The following FRAS1 variants were observed in gnomAD, a reference collection of about 807,000 sequenced individuals.
FRAS1 encodes the protein Fraser extracellular matrix complex subunit 1.
Under a neutral mutation model 435.2 loss-of-function variants are expected in FRAS1, and 290 were observed. The observed-to-expected ratio is 0.67, with a 90% CI of 0.61 to 0.73. The LOEUF (loss-of-function observed/expected upper bound fraction) is 0.73. FRAS1 is among the 30% of genes least tolerant of loss of function. FRAS1 has a pLI of 0.00. For missense variants in FRAS1, 4,860 were observed against 5,001.5 expected, an observed-to-expected ratio of 0.97 and a Z score of 0.85; for synonymous variants, 1,800 against 1,851.0, an observed-to-expected ratio of 0.97 and a Z score of 0.71.
chr4:78,333,301 G>A lies in FRAS1; in HGVS notation c.2167G>A (p.Gly723Arg). ...CCACCAGTCCTGTTTCAGATGTGCA[G>A]GGAAAAGCCCACATAACTGCACAGA... ...ACHQSCFRCAGKSPHNCTDCG... is the reference protein window; with the variant it reads ...ACHQSCFRCARKSPHNCTDCG... The change falls in exon 19 of 74, where the codon GGG becomes AGG. Residue 723 changes from glycine to arginine, a missense_variant. Physicochemically the swap from Gly to Arg is moderately radical, Grantham distance 125. Coordinates refer to ENST00000512123, the MANE Select transcript of FRAS1 (RefSeq NM_025074.7). 2 of 1,611,014 alleles carry A rather than the reference G, an allele frequency of 1.2e-6. No individual in the cohort carries two copies. Among genetic ancestry groups the A allele is most frequent in the Non-Finnish European group, 8.5e-7 (1 of 1,178,616 alleles).
chr4:78,432,409 T>A lies in FRAS1; in HGVS notation c.5022T>A (p.His1674Gln), dbSNP rs1435639157. The A allele has an allele frequency of 6.2e-7, 1 of 1,611,230 alleles. No individual in the cohort carries two copies. The highest frequency in any genetic ancestry group is 1.3e-5 in the African/African-American group (1 of 75,018). The change falls in exon 38 of 74, where the codon CAT (histidine) becomes CAA (glutamine). Residue 1674 changes from histidine (H) to glutamine (Q), a missense_variant. His to Gln is a conservative substitution (Grantham distance 24). Coordinates refer to ENST00000512123, the MANE Select transcript of FRAS1 (RefSeq NM_025074.7). ...AGAAAAATGCTCTACAGTATATACA[T>A]GATGGTTCCTCTACCCGGGAAGACA... ...DVEKNALQYI[H>Q]DGSSTREDSM...
At chr4:78,354,825 G>A (rs1383446705) in intron 20 of FRAS1, among the ~76,000 whole-genome samples, 2 of 152,152 alleles carry the variant, frequency 1.3e-5, no homozygotes, top group African/African-American at 4.8e-5. Context: ...AAGCCATTGC[G>A]TCGACAGTAC....
rs373074293 is a variant in FRAS1, at chr4:78,432,369, C to A, written c.4982C>A (p.Thr1661Asn). ...TTATTCTTGGAAGGTGACACTTTCA[C>A]CTATGAGGATGTTGAGAAAAATGCT... ...RRPMATGDTFTYEDVEKNALQ... is the reference protein window; with the variant it reads ...RRPMATGDTFNYEDVEKNALQ... Residue 1661 changes from threonine to asparagine, a missense_variant, in exon 38 of 74, where the codon ACC becomes AAC. Transcript: ENST00000512123. 86 of 1,599,714 alleles carry A rather than the reference C, an allele frequency of 5.4e-5. No homozygotes were observed. In the African/African-American group the frequency reaches 1.1e-3, roughly 21 times the overall value.
At chr4:78,271,628 T>C (rs1240642594) in intron 9 of FRAS1, among the ~76,000 whole-genome samples, 1 of 152,244 alleles carries the variant, frequency 6.6e-6, no homozygotes, top group Admixed American at 6.5e-5. Flanking sequence ...TCCATGTCCC[T>C]ACAATGGACA....
intron 2 of FRAS1, among the ~76,000 whole-genome samples, chr4:78,214,009 G>A (rs891724757): frequency 1.3e-5 from 2 of 152,220 alleles, no homozygotes; most frequent in Non-Finnish European, 2.9e-5. Context: ...CACGGAGCTG[G>A]AACTCGGGAA....
chr4:78,473,384 T>C, intron 52 of FRAS1, 54 bp from the exon 53 acceptor site: 1 of 1,463,946 alleles, frequency 6.8e-7, no homozygotes, highest in African/African-American at 1.4e-5. Context: ...TGGTAATCTA[T>C]GAAGCTGTCG....
At chr4:78,402,986 A>C (rs535294458) in intron 30 of FRAS1, among the ~76,000 whole-genome samples, 20 of 152,318 alleles carry the variant, frequency 1.3e-4, no homozygotes, top group Non-Finnish European at 2.1e-4. Flanking sequence ...AGGTGATGTT[A>C]ACTTTGATCA....
At chr4:78,241,779 T>G (rs1255046381) in intron 3 of FRAS1, among the ~76,000 whole-genome samples, 2 of 152,144 alleles carry the variant, frequency 1.3e-5, no homozygotes, top group African/African-American at 4.8e-5. Flanking sequence ...AGGTTGGCTA[T>G]AACTGTGTGA....
intron 2 of FRAS1, among the ~76,000 whole-genome samples, chr4:78,116,284 T>G (rs558540359): frequency 6.6e-6 from 1 of 152,296 alleles, no homozygotes; most frequent in Non-Finnish European, 1.5e-5. Context: ...TGTGGTGTGG[T>G]GCTGAAAAGA....
chr4:78,066,774 C>T (rs1241525255), intron 2 of FRAS1, among the ~76,000 whole-genome samples: 1 of 152,144 alleles, frequency 6.6e-6, no homozygotes, highest in East Asian at 1.9e-4. Context: ...TACATCACAA[C>T]CTGCTATTGA....
intron 2 of FRAS1, among the ~76,000 whole-genome samples, chr4:78,221,669 T>C (rs1253639957): frequency 2.0e-5 from 3 of 152,212 alleles, no homozygotes; most frequent in Non-Finnish European, 4.4e-5. Flanking sequence ...TAGAAGGGGC[T>C]CTTATTAAAC....
At chr4:78,506,557 C>CAGG (rs1720851025) in intron 61 of FRAS1, among the ~76,000 whole-genome samples, 2 of 152,344 alleles carry the variant, frequency 1.3e-5, no homozygotes, top group East Asian at 3.9e-4. Context: ...CCCCCCGAGT[C>CAGG]AGGCATGGGA....
rs961388414 is a variant in FRAS1 at position 78,515,849 on chromosome 4, G to A, written c.10225G>A (p.Gly3409Ser). 3 of 1,613,898 alleles carry A rather than the reference G, an allele frequency of 1.9e-6. No individual in the cohort carries two copies. The African/African-American group carries it at 4.0e-5, about 22-fold the overall frequency. Reference sequence around the variant, plus strand: ...CTATGATAGCACTGCCCTGGGGCCTGGCTACGATCGCCCCTTCCAGTTTGA... The same window carrying A: ...CTATGATAGCACTGCCCTGGGGCCTAGCTACGATCGCCCCTTCCAGTTTGA... ...VVYDSTALGP[G>S]YDRPFQFDPS... is the part of the protein sequence containing the mutation. Residue 3409 changes from glycine (G) to serine (S), a missense_variant, in exon 66 of 74, where the codon GGC (glycine) becomes AGC (serine). Gly to Ser is a moderately conservative substitution (Grantham distance 56, BLOSUM62 0). Transcript: ENST00000512123.
At chr4:78,415,673 A>C (rs972149393) in intron 32 of FRAS1, among the ~76,000 whole-genome samples, 3 of 152,210 alleles carry the variant, frequency 2.0e-5, no homozygotes, top group African/African-American at 7.2e-5. Context: ...AAATCTGTTA[A>C]GTGAAAACGC....
intron 58 of FRAS1, among the ~76,000 whole-genome samples, chr4:78,483,777 T>TATATATATATATATATATA (rs1720086072): frequency 1.9e-5 from 1 of 51,464 alleles, no homozygotes; most frequent in Admixed American, 2.5e-4. Context: ...ACTCTCTCTC[T>TATATATATATATATATATA]CTCTCTATAT....
intron 20 of FRAS1, among the ~76,000 whole-genome samples, chr4:78,358,339 T>C (rs147662370): frequency 1.7e-3 from 265 of 152,336 alleles, no homozygotes; most frequent in African/African-American, 6.3e-3. Flanking sequence ...CTGGTAAAAT[T>C]ATGATGAAAC....
chr4:78,113,587 A>G (rs1419145141), intron 2 of FRAS1, among the ~76,000 whole-genome samples: 2 of 152,202 alleles, frequency 1.3e-5, no homozygotes, highest in African/African-American at 2.4e-5. Flanking sequence ...AGTGATGATG[A>G]GCATTTTTTC....
chr4:78,517,221 G>A (rs866385864), intron 66 of FRAS1, among the ~76,000 whole-genome samples: 8 of 152,222 alleles, frequency 5.3e-5, no homozygotes, highest in Middle Eastern at 3.4e-3. Flanking sequence ...TCTCAGCCTG[G>A]TTTCCTCTCA....
At chr4:78,303,057 G>T (rs1396837118) in intron 14 of FRAS1, among the ~76,000 whole-genome samples, 1 of 152,076 alleles carries the variant, frequency 6.6e-6, no homozygotes, top group African/African-American at 2.4e-5. Flanking sequence ...AAGGGATCCA[G>T]TTTCAGCTTT....
Sources: allele counts gnomAD v4.1 joint callset (sites outside exome capture counted in the v4.1 genomes callset), GRCh38; gene constraint gnomAD v4.1.1; transcripts MANE v1.5; gene names NCBI Gene and HGNC (gene_info 2026-07-23, HGNC 2026-07-21).